ARHGAP26: variants seen among roughly 807,000 people sequenced by gnomAD.
The protein encoded by ARHGAP26 is Rho GTPase activating protein 26, also known as rho GTPase-activating protein 26.
Under a neutral mutation model 104.8 loss-of-function variants are expected in ARHGAP26, and 38 were observed. The ratio of observed to expected loss-of-function variants is 0.36; its 90% CI spans 0.28 to 0.48. The LOEUF is 0.48. Among genes scored for constraint, ARHGAP26 ranks in the 20% least tolerant of loss-of-function variants. ARHGAP26 has a pLI of 0.99. For synonymous variants in ARHGAP26, 341 were observed against 340.0 expected, an observed-to-expected ratio of 1.00 and a Z score of -0.03; for missense variants, 704 against 947.9, an observed-to-expected ratio of 0.74 and a Z score of 3.38.
At chr5:142,941,439 T>C (rs1766340930) in intron 11 of ARHGAP26, among the ~76,000 whole-genome samples, 1 of 152,158 alleles carries the variant, frequency 6.6e-6, no homozygotes, top group South Asian at 2.1e-4. Context: ...CCCAGTGTGG[T>C]TTCTGTTTCC....
intron 17 of ARHGAP26, among the ~76,000 whole-genome samples, chr5:143,091,088 T>C (rs1044580599): frequency 6.6e-6 from 1 of 152,258 alleles, no homozygotes; most frequent in African/African-American, 2.4e-5. Context: ...ATAGAATAGA[T>C]GAATGAAAGT....
intron 1 of ARHGAP26, among the ~76,000 whole-genome samples, chr5:142,840,948 G>A (rs1444819395): frequency 6.6e-6 from 1 of 152,156 alleles, no homozygotes; most frequent in Non-Finnish European, 1.5e-5. Flanking sequence ...GAATTTATGT[G>A]TTTTCCTTGA....
chr5:142,927,501 T>C (rs1011661546), intron 10 of ARHGAP26, among the ~76,000 whole-genome samples: 1 of 152,208 alleles, frequency 6.6e-6, no homozygotes, highest in Non-Finnish European at 1.5e-5. Flanking sequence ...TTAGCAGTAG[T>C]TGACTCTTTT....
At chr5:142,830,373 AT>A (rs1768155441) in intron 1 of ARHGAP26, among the ~76,000 whole-genome samples, 1 of 152,184 alleles carries the variant, frequency 6.6e-6, no homozygotes, top group Non-Finnish European at 1.5e-5. Flanking sequence ...ATGATTAAAA[AT>A]TATTTTGTGG....
intron 7 of ARHGAP26, among the ~76,000 whole-genome samples, chr5:142,902,925 A>G (rs915360876): frequency 2.0e-5 from 3 of 152,110 alleles, no homozygotes. Flanking sequence ...GGACTCGCAG[A>G]GGGGGAAATA....
At chr5:143,098,818 A>G (rs1450571941) in intron 17 of ARHGAP26, among the ~76,000 whole-genome samples, 1 of 152,224 alleles carries the variant, frequency 6.6e-6, no homozygotes, top group Non-Finnish European at 1.5e-5. Flanking sequence ...AGAAATTAAC[A>G]CATTGCCTTA....
At chr5:142,873,518 A>T (rs757862982) in intron 2 of ARHGAP26, 23 bp downstream of exon 2, 17 of 1,476,144 alleles carry the variant, frequency 1.2e-5, no homozygotes, top group Non-Finnish European at 1.5e-5. Flanking sequence ...TGTGCAGAAG[A>T]TAAAAATGTT....
chr5:143,148,731 ACCTTCT>A (rs1291571129), intron 20 of ARHGAP26, among the ~76,000 whole-genome samples: 5 of 151,962 alleles, frequency 3.3e-5, no homozygotes, highest in African/African-American at 1.2e-4. Context: ...TTGAGGTTTG[ACCTTCT>A]CAGGTTCTCC....
intron 20 of ARHGAP26, among the ~76,000 whole-genome samples, chr5:143,166,821 A>G (rs1802021877): frequency 6.6e-6 from 1 of 152,238 alleles, no homozygotes; most frequent in Admixed American, 6.5e-5. Context: ...AGTCCAGGAC[A>G]TACCTTTTGC....
intron 20 of ARHGAP26, among the ~76,000 whole-genome samples, chr5:143,188,938 G>A (rs1805519059): frequency 6.6e-6 from 1 of 152,228 alleles, no homozygotes; most frequent in Non-Finnish European, 1.5e-5. Flanking sequence ...TGGGCTGTTT[G>A]TTTGGGGCTT....
chr5:143,057,161 A>G (rs1041792016), intron 16 of ARHGAP26, among the ~76,000 whole-genome samples: 1 of 152,340 alleles, frequency 6.6e-6, no homozygotes, highest in East Asian at 1.9e-4. Flanking sequence ...TGGTTGTCAT[A>G]TGTGACTTGA....
intron 17 of ARHGAP26, among the ~76,000 whole-genome samples, chr5:143,077,628 G>A (rs368288946): frequency 2.0e-5 from 3 of 152,240 alleles, no homozygotes; most frequent in South Asian, 2.1e-4. Context: ...GCAGGTCACC[G>A]TGGCTATGGG....
At chr5:142,994,578 A>G (rs933195143) in intron 11 of ARHGAP26, among the ~76,000 whole-genome samples, 6 of 152,166 alleles carry the variant, frequency 3.9e-5, no homozygotes, top group Admixed American at 2.6e-4. Flanking sequence ...GAACTCCCAG[A>G]TGGGACTGTT....
intron 21 of ARHGAP26, among the ~76,000 whole-genome samples, chr5:143,208,431 A>T (rs575986238): frequency 6.6e-5 from 10 of 152,300 alleles, no homozygotes; most frequent in African/African-American, 2.4e-4. Flanking sequence ...GCCGAGTTTC[A>T]CTTTTAGAAG....
intron 20 of ARHGAP26, among the ~76,000 whole-genome samples, chr5:143,151,248 A>G (rs1799806002): frequency 6.6e-6 from 1 of 152,236 alleles, no homozygotes; most frequent in Non-Finnish European, 1.5e-5. Flanking sequence ...AGAATGGCCA[A>G]AATTCCAGAA....
intron 10 of ARHGAP26, among the ~76,000 whole-genome samples, chr5:142,928,231 GTTTTTTTT>G (rs369377056): frequency 3.8e-5 from 5 of 130,120 alleles, no homozygotes; most frequent in Non-Finnish European, 8.1e-5. Flanking sequence ...GTGTGTGTGT[GTTTTTTTT>G]TTTTTTTTTA....
At chr5:143,094,858 C>T (rs181293853) in intron 17 of ARHGAP26, among the ~76,000 whole-genome samples, 190 of 151,812 alleles carry the variant, frequency 1.3e-3, no homozygotes, top group African/African-American at 3.9e-3. Flanking sequence ...GGGAATGAGT[C>T]GGGGTGGAGC....
At chr5:143,206,908 T>A (rs1489187633) in intron 20 of ARHGAP26, among the ~76,000 whole-genome samples, 1 of 152,222 alleles carries the variant, frequency 6.6e-6, no homozygotes, top group Non-Finnish European at 1.5e-5. Flanking sequence ...GTGCGTGGGC[T>A]CAGGGCATTT....
intron 11 of ARHGAP26, among the ~76,000 whole-genome samples, chr5:143,007,289 T>A (rs1049732859): frequency 6.6e-6 from 1 of 150,720 alleles, no homozygotes. Context: ...TGCCACAGAG[T>A]CTTTGGCAAC....
Sources: gnomAD v4.1 joint callset for allele counts (sites outside exome capture counted in the v4.1 genomes callset) on GRCh38, gnomAD v4.1.1 for gene constraint, MANE v1.5 for transcripts, NCBI Gene and HGNC (gene_info 2026-07-23, HGNC 2026-07-21) for gene names.